SEZ6L: variants seen among roughly 807,000 people sequenced by gnomAD.
SEZ6L encodes the protein seizure related 6 homolog like.
Under a neutral mutation model 106.2 loss-of-function variants are expected in SEZ6L, and 37 were observed. The observed-to-expected ratio is 0.35, with a 90% CI of 0.27 to 0.46. The LOEUF is 0.46. Ranked by LOEUF, SEZ6L falls within the 20% of genes least tolerant of loss-of-function variation. The probability of loss-of-function intolerance (pLI) is 1.00; values close to 1 mark genes in which losing one functional copy is unlikely to be tolerated. For synonymous variants in SEZ6L, 541 were observed against 570.4 expected (o/e 0.95, Z 0.73); for missense variants, 1,172 against 1,332.8 (o/e 0.88, Z 1.88).
In SEZ6L at chr22:26,381,829, A is replaced by G. The variant is rs482902; in HGVS notation, c.*1534A>G. On this transcript the variant is annotated 3_prime_UTR_variant, in exon 17 of 17. Transcript: ENST00000248933. ...CAATGGCTTGGACAGACAGACGGGC[A>G]CAGTGGCATTTGGAACCCTCTTTGG... 5 of 335,378 alleles carry G rather than the reference A, an allele frequency of 1.5e-5. 1 individual carries two copies. In the Admixed American group the frequency reaches 1.5e-4, roughly 10 times the overall value. 20.8% of individuals were successfully genotyped at this position (335,378 alleles called of 1,614,324 possible).
chr22:26,266,617 A>C (rs1307079887), intron 1 of SEZ6L, among the ~76,000 whole-genome samples: 1 of 144,636 alleles, frequency 6.9e-6, no homozygotes, highest in Non-Finnish European at 1.5e-5. Flanking sequence ...AAATAAATAA[A>C]TAGCAACATA....
intron 1 of SEZ6L, among the ~76,000 whole-genome samples, chr22:26,237,480 T>C (rs908885099): frequency 6.6e-6 from 1 of 152,250 alleles, no homozygotes; most frequent in Non-Finnish European, 1.5e-5. Context: ...TGCCTCAGTT[T>C]CTTCATCTAT....
At chr22:26,201,026 A>G (rs1001579779) in intron 1 of SEZ6L, among the ~76,000 whole-genome samples, 4 of 152,038 alleles carry the variant, frequency 2.6e-5, no homozygotes, top group African/African-American at 9.7e-5. Flanking sequence ...GGTTCCCCCA[A>G]CAGGCCTTCT....
At chr22:26,298,949 G>A in intron 4 of SEZ6L, 35 bp from the exon 5 acceptor site, 1 of 1,513,920 alleles carries the variant, frequency 6.6e-7, no homozygotes, top group Non-Finnish European at 8.9e-7. Flanking sequence ...GCCACTCCAA[G>A]TGATGACTGA....
At chr22:26,352,725 T>A (rs1310469465) in intron 12 of SEZ6L, among the ~76,000 whole-genome samples, 1 of 152,234 alleles carries the variant, frequency 6.6e-6, no homozygotes, top group African/African-American at 2.4e-5. Context: ...AGGCCAGGTG[T>A]CATTCTAAGA....
intron 6 of SEZ6L, 30 bp downstream of exon 6, chr22:26,306,174 C>T (rs747753593): frequency 1.2e-5 from 19 of 1,605,308 alleles, no homozygotes; most frequent in East Asian, 4.5e-5. Context: ...CACCCAACCC[C>T]GTTTCTTCCC....
chr22:26,248,173 G>C (rs2079431071), intron 1 of SEZ6L, among the ~76,000 whole-genome samples: 2 of 152,210 alleles, frequency 1.3e-5, no homozygotes, highest in Non-Finnish European at 1.5e-5. Flanking sequence ...GTAGTTCGTA[G>C]AAGTCACACC....
At chr22:26,230,198 A>G (rs2078755935) in intron 1 of SEZ6L, among the ~76,000 whole-genome samples, 1 of 151,944 alleles carries the variant, frequency 6.6e-6, no homozygotes, top group South Asian at 2.1e-4. Flanking sequence ...GTTTCATGAA[A>G]CCCAGAGGCA....
At chr22:26,280,261 C>G (rs2080718657) in intron 1 of SEZ6L, among the ~76,000 whole-genome samples, 1 of 97,188 alleles carries the variant, frequency 1.0e-5, no homozygotes, top group South Asian at 2.3e-4. Flanking sequence ...TACATACGTA[C>G]ATTTATACAC....
chr22:26,323,631 G>A (rs1212527811), intron 9 of SEZ6L, among the ~76,000 whole-genome samples: 1 of 152,118 alleles, frequency 6.6e-6, no homozygotes, highest in Non-Finnish European at 1.5e-5. Flanking sequence ...AGGTGGGTGT[G>A]TAAATTAATT....
At chr22:26,254,103 A>G (rs1239240563) in intron 1 of SEZ6L, 1 of 152,230 alleles carries the variant, frequency 6.6e-6, no homozygotes, top group African/African-American at 2.4e-5. Flanking sequence ...GTTTAAACCA[A>G]TAACACTTGG....
Position 26,351,093 on chromosome 22 carries a change from C to G in SEZ6L, c.2449C>G (p.Arg817Gly). 6.2e-7 allele frequency: 1 copy of G among 1,614,200 alleles called. No homozygotes were observed. Among genetic ancestry groups the G allele is most frequent in the Non-Finnish European group, 8.5e-7 (1 of 1,180,046 alleles). The change falls in exon 12 of 17, where the codon CGC (arginine) becomes GGC (glycine). Residue 817 changes from arginine to glycine, a missense_variant. By Grantham distance (125) the Arg-to-Gly change is moderately radical. Around this residue, in one of 4 missense-constraint regions of SEZ6L, gnomAD observed 534 missense variants for 691.0 expected, o/e 0.77. Transcript: ENST00000248933. ...TDPGEVDHST[R>G]LISDPVLLVG... ...CCCCGGAGAGGTGGATCACTCGACCCGCTTAATTTCGGATCCTGTGCTGCT... is the reference window on the plus strand; with the variant it reads ...CCCCGGAGAGGTGGATCACTCGACCGGCTTAATTTCGGATCCTGTGCTGCT...
At position 26,354,167 on chromosome 22, in the gene SEZ6L, T is replaced by G. The variant is rs12160704; in HGVS notation, c.2599+2924T>G. ...AACTTCAAAGTTCTAACCCACAGTATCTGTAACTGTGGATTTGATTGGAAA... is the reference window on the plus strand; with the variant it reads ...AACTTCAAAGTTCTAACCCACAGTAGCTGTAACTGTGGATTTGATTGGAAA... On this transcript the variant is annotated intron_variant, in intron 12 of 16. Transcript: ENST00000248933. Among the ~76,000 whole-genome samples, 809 of 152,354 alleles carry G rather than the reference T, an allele frequency of 5.3e-3. 8 individuals are homozygous for G. Among genetic ancestry groups the G allele is most frequent in the African/African-American group, 0.019 (774 of 41,586 alleles).
chr22:26,301,128 G>A (rs1209720354), intron 5 of SEZ6L, among the ~76,000 whole-genome samples: 1 of 152,204 alleles, frequency 6.6e-6, no homozygotes, highest in African/African-American at 2.4e-5. Flanking sequence ...TTGCAGATGA[G>A]GCTCATGTAG....
intron 12 of SEZ6L, among the ~76,000 whole-genome samples, chr22:26,358,497 C>G (rs188680745): frequency 6.6e-4 from 101 of 152,292 alleles, no homozygotes; most frequent in African/African-American, 2.3e-3. Flanking sequence ...ATATTGCAAA[C>G]CATTTGTAAC....
intron 14 of SEZ6L, among the ~76,000 whole-genome samples, chr22:26,374,971 G>A (rs1418304387): frequency 6.6e-6 from 1 of 152,150 alleles, no homozygotes; most frequent in East Asian, 1.9e-4. Flanking sequence ...AGTCCCCAAT[G>A]CTCAGAGCCC....
At chr22:26,373,684 G>A (rs2084120391) in intron 14 of SEZ6L, among the ~76,000 whole-genome samples, 1 of 152,140 alleles carries the variant, frequency 6.6e-6, no homozygotes, top group Admixed American at 6.5e-5. Flanking sequence ...ACAATAACCT[G>A]AAAGGGATTT....
intron 1 of SEZ6L, among the ~76,000 whole-genome samples, chr22:26,281,805 A>G (rs1236911293): frequency 6.6e-6 from 1 of 151,864 alleles, no homozygotes; most frequent in Non-Finnish European, 1.5e-5. Context: ...ACCCCTGCCC[A>G]CCCCTCTGGT....
At chr22:26,341,691 C>T (rs1401536671) in intron 10 of SEZ6L, among the ~76,000 whole-genome samples, 1 of 152,170 alleles carries the variant, frequency 6.6e-6, no homozygotes, top group Non-Finnish European at 1.5e-5. Flanking sequence ...CCACCACTAC[C>T]CAACAGCATC....
Sources: allele counts gnomAD v4.1 joint callset (sites outside exome capture counted in the v4.1 genomes callset), GRCh38; gene constraint gnomAD v4.1.1; regional missense constraint gnomAD v4.1.1; transcripts MANE v1.5; gene names NCBI Gene and HGNC (gene_info 2026-07-23, HGNC 2026-07-21).